FBXW7: variants seen among roughly 807,000 people sequenced by gnomAD.
The protein encoded by FBXW7 is F-box and WD repeat domain containing 7.
A neutral mutation model predicts 86.3 loss-of-function variants in FBXW7; 11 were observed. The ratio of observed to expected loss-of-function variants is 0.13; its 90% CI spans 0.08 to 0.21. The LOEUF is 0.21. Ranked by LOEUF, FBXW7 falls within the 10% of genes least tolerant of loss-of-function variation. The pLI is 1.00. For synonymous variants in FBXW7, 313 were observed against 297.9 expected, an observed-to-expected ratio of 1.05 and a Z score of -0.52; for missense variants, 488 against 847.4, an observed-to-expected ratio of 0.58 and a Z score of 5.27.
At chr4:152,350,200 T>C (rs1731669869) in intron 4 of FBXW7, 76 bp from the exon 5 acceptor site, 2 of 735,700 alleles carry the variant, frequency 2.7e-6, no homozygotes, top group Non-Finnish European at 2.1e-6. Flanking sequence ...ATGGTTAATA[T>C]TTTAAATTCT....
intron 4 of FBXW7, among the ~76,000 whole-genome samples, chr4:152,373,428 T>C (rs1232842383): frequency 1.3e-5 from 2 of 152,054 alleles, no homozygotes; most frequent in African/African-American, 4.8e-5. Flanking sequence ...CATGAGGGCA[T>C]GGCCTTTGTC....
intron 7 of FBXW7, 129 bp from the exon 8 acceptor site, chr4:152,332,848 G>T: frequency 2.9e-6 from 1 of 344,138 alleles, no homozygotes; most frequent in Non-Finnish European, 4.3e-6. Flanking sequence ...CTAAAATTAT[G>T]AAAGGCAGTA....
intron 2 of FBXW7, among the ~76,000 whole-genome samples, chr4:152,519,982 C>T (rs1012741924): frequency 1.3e-5 from 2 of 152,168 alleles, no homozygotes; most frequent in African/African-American, 2.4e-5. Context: ...AGTTAAATAA[C>T]GGTTGTAAAA....
intron 8 of FBXW7, 72 bp from the exon 9 acceptor site, chr4:152,330,940 A>AT (rs1388922946): frequency 7.0e-7 from 1 of 1,435,258 alleles, no homozygotes; most frequent in East Asian, 2.3e-5. Flanking sequence ...AAAGTATTCC[A>AT]TCTTTATAAA....
At chr4:152,448,555 A>T (rs1210174463) in intron 2 of FBXW7, among the ~76,000 whole-genome samples, 1 of 152,172 alleles carries the variant, frequency 6.6e-6, no homozygotes, top group Non-Finnish European at 1.5e-5. Context: ...CAACCTCTTC[A>T]TTAAAGAAGA....
intron 2 of FBXW7, among the ~76,000 whole-genome samples, chr4:152,466,554 C>CAA (rs201136250): frequency 1.9e-5 from 2 of 102,592 alleles, no homozygotes; most frequent in Admixed American, 2.0e-4. Context: ...GACTCCATTT[C>CAA]AAAAAAAAAA....
chr4:152,332,498 T>C, intron 8 of FBXW7, 98 bp downstream of exon 8: 3 of 1,198,952 alleles, frequency 2.5e-6, no homozygotes, highest in Non-Finnish European at 3.3e-6. Flanking sequence ...GATTTTATCA[T>C]AAGTAGCTGA....
intron 2 of FBXW7, among the ~76,000 whole-genome samples, chr4:152,436,471 G>A (rs1359742774): frequency 6.6e-6 from 1 of 152,226 alleles, no homozygotes. Context: ...AGCAAATGCT[G>A]ATGCAGAAGC....
chr4:152,334,353 CCAAT>C (rs1173649749), intron 7 of FBXW7, among the ~76,000 whole-genome samples: 2 of 152,042 alleles, frequency 1.3e-5, no homozygotes, highest in African/African-American at 2.4e-5. Context: ...TTGGGAATTA[CCAAT>C]CAATCAAAGC....
intron 12 of FBXW7, 148 bp downstream of exon 12, chr4:152,325,858 G>T: frequency 1.8e-6 from 1 of 565,072 alleles, no homozygotes; most frequent in Non-Finnish European, 3.1e-6. Context: ...CTTTCTTCAT[G>T]CCAATTTTAA....
At chr4:152,367,862 A>T (rs1206665395) in intron 4 of FBXW7, among the ~76,000 whole-genome samples, 4 of 152,114 alleles carry the variant, frequency 2.6e-5, no homozygotes, top group Admixed American at 2.6e-4. Flanking sequence ...AGTTGATGAT[A>T]CTAGGTGACA....
chr4:152,501,205 G>A (rs909502820), intron 2 of FBXW7, among the ~76,000 whole-genome samples: 1 of 152,164 alleles, frequency 6.6e-6, no homozygotes, highest in African/African-American at 2.4e-5. Flanking sequence ...CTTAATTACA[G>A]AACTCTTTCA....
intron 2 of FBXW7, among the ~76,000 whole-genome samples, chr4:152,529,540 AAT>A (rs1749823197): frequency 6.6e-6 from 1 of 152,206 alleles, no homozygotes; most frequent in Non-Finnish European, 1.5e-5. Flanking sequence ...TATGAAACTA[AAT>A]ATACCATCAT....
chr4:152,491,336 C>A (rs1745832913), intron 2 of FBXW7, among the ~76,000 whole-genome samples: 1 of 152,074 alleles, frequency 6.6e-6, no homozygotes, highest in South Asian at 2.1e-4. Context: ...TATTATTATT[C>A]TAGACATTAA....
intron 4 of FBXW7, among the ~76,000 whole-genome samples, chr4:152,372,822 C>CA (rs1046874706): frequency 9.9e-5 from 15 of 151,966 alleles, no homozygotes; most frequent in African/African-American, 3.6e-4. Flanking sequence ...ACATAAAAGA[C>CA]AAAATCATAC....
At chr4:152,336,242 C>T (rs2126571895) in intron 7 of FBXW7, among the ~76,000 whole-genome samples, 1 of 152,142 alleles carries the variant, frequency 6.6e-6, no homozygotes, top group South Asian at 2.1e-4. Context: ...CCCAGGCAGT[C>T]TTTAAAAGAA....
intron 2 of FBXW7, among the ~76,000 whole-genome samples, chr4:152,456,929 T>C (rs1378502609): frequency 6.6e-6 from 1 of 152,222 alleles, no homozygotes; most frequent in Non-Finnish European, 1.5e-5. Flanking sequence ...ACCACTTTAT[T>C]CATAATAGTC....
In FBXW7 at chr4:152,412,468, A is replaced by G. The variant is rs768069230; in HGVS notation, c.-70+12T>C. 3 of 151,956 alleles carry G rather than the reference A, an allele frequency of 2.0e-5. No individual in the cohort carries two copies. Among genetic ancestry groups the G allele is most frequent in the Non-Finnish European group, 4.4e-5 (3 of 67,952 alleles). The allele number at this position is 151,956 out of a possible 1,614,324, so 9.4% of individuals were successfully genotyped here. On this transcript the variant is annotated intron_variant, in intron 3 of 13. Transcript: ENST00000281708. ...AAAAATTTATTTAAAAAAAAAGTTC[A>G]TAAGTTCATACCCTCTGACCCAGTA...
chr4:152,450,157 A>C (rs1309957895), intron 2 of FBXW7, among the ~76,000 whole-genome samples: 1 of 152,216 alleles, frequency 6.6e-6, no homozygotes, highest in African/African-American at 2.4e-5. Flanking sequence ...TACTTAAATC[A>C]ATTTCCAGAA....
Sources: allele counts gnomAD v4.1 joint callset (sites outside exome capture counted in the v4.1 genomes callset), GRCh38; gene constraint gnomAD v4.1.1; transcripts MANE v1.5; gene names NCBI Gene and HGNC (gene_info 2026-07-23, HGNC 2026-07-21).